Variants in ROCK2 observed in about 807,000 individuals in gnomAD.
ROCK2 encodes Rho associated coiled-coil containing protein kinase 2.
In ROCK2, 61 loss-of-function variants were observed where a neutral mutation model predicts 195.1. The ratio of observed to expected loss-of-function variants is 0.31; its 90% CI spans 0.25 to 0.39. ROCK2 has a LOEUF of 0.39. Ranked by LOEUF, ROCK2 falls within the 10% of genes least tolerant of loss-of-function variation. The pLI is 1.00. For missense variants in ROCK2, 1,109 were observed against 1,637.4 expected (o/e 0.68, Z 5.57); for synonymous variants, 504 against 545.5 (o/e 0.92, Z 1.06).
chr2:11,294,981 G>T (rs1667467295), intron 1 of ROCK2, among the ~76,000 whole-genome samples: 2 of 151,886 alleles, frequency 1.3e-5, no homozygotes, highest in Non-Finnish European at 2.9e-5. Flanking sequence ...TAGAGACGGG[G>T]TTTCATCATG....
At chr2:11,330,827 G>T (rs1186866551) in intron 1 of ROCK2, among the ~76,000 whole-genome samples, 1 of 8,708 alleles carries the variant, frequency 1.1e-4, no homozygotes, top group Non-Finnish European at 4.7e-4. Context: ...GGAGGAGGAG[G>T]GGGAGGAAGA....
chr2:11,334,662 T>G (rs1332651837), intron 1 of ROCK2, among the ~76,000 whole-genome samples: 1 of 151,156 alleles, frequency 6.6e-6, no homozygotes, highest in Non-Finnish European at 1.5e-5. Context: ...AGGCAATGCT[T>G]AGCATATTAA....
intron 3 of ROCK2, among the ~76,000 whole-genome samples, chr2:11,285,481 T>C (rs1667156587): frequency 6.6e-6 from 1 of 152,052 alleles, no homozygotes; most frequent in Non-Finnish European, 1.5e-5. Flanking sequence ...AATATTCTTC[T>C]TATGGATATG....
At chr2:11,189,233 T>C (rs72785475) in intron 32 of ROCK2, among the ~76,000 whole-genome samples, 6,489 of 152,272 alleles carry the variant, frequency 0.043, 275 homozygotes, top group Non-Finnish European at 0.06. Flanking sequence ...TAAAGCTAGA[T>C]TGACTAATGC....
At chr2:11,280,172 A>G (rs1666950430) in intron 3 of ROCK2, among the ~76,000 whole-genome samples, 1 of 152,130 alleles carries the variant, frequency 6.6e-6, no homozygotes. Flanking sequence ...ATAGAAAACA[A>G]GAATACACAA....
At chr2:11,224,599 C>A (rs77726940) in intron 6 of ROCK2, 139 bp from the exon 7 acceptor site, 1 of 713,884 alleles carries the variant, frequency 1.4e-6, no homozygotes, top group South Asian at 1.7e-5. Flanking sequence ...GAGTCCCAGT[C>A]AAAACAACAG....
chr2:11,274,654 T>C (rs1293120522), intron 3 of ROCK2, among the ~76,000 whole-genome samples: 1 of 152,204 alleles, frequency 6.6e-6, no homozygotes, highest in Non-Finnish European at 1.5e-5. Flanking sequence ...GCTCTTTACC[T>C]AATGGCTTCA....
Position 11,314,389 on chromosome 2 carries a change from A to C in ROCK2, c.142-26653T>G, listed in dbSNP as rs189620792. Among the ~76,000 whole-genome samples, 103 of 151,998 alleles carry C rather than the reference A, an allele frequency of 6.8e-4. 2 individuals carry two copies. In the South Asian group the frequency reaches 0.02, roughly 30 times the overall value. ...TAGTTACTATTATTCACTAAAACACAGTACTGTTAAAGGTATTTAAAATAG... is the reference window on the plus strand; with the variant it reads ...TAGTTACTATTATTCACTAAAACACCGTACTGTTAAAGGTATTTAAAATAG... On this transcript the variant is annotated intron_variant, in intron 1 of 32. Transcript: ENST00000315872.
chr2:11,223,319 G>C (rs1664699576), intron 7 of ROCK2, among the ~76,000 whole-genome samples: 1 of 152,144 alleles, frequency 6.6e-6, no homozygotes, highest in Non-Finnish European at 1.5e-5. Flanking sequence ...AGTTTGACGA[G>C]AAGAAAACAA....
chr2:11,277,328 CT>C (rs1346737070), intron 3 of ROCK2, among the ~76,000 whole-genome samples: 6 of 152,140 alleles, frequency 3.9e-5, no homozygotes, highest in South Asian at 2.1e-4. Context: ...AACCACCAAT[CT>C]TTTTTTCCCC....
rs1663856550 is a variant in ROCK2 at position 11,201,679 on chromosome 2, TAAG to T, written c.2620-269_2620-267del. ...TAATAGCACAGATAGGTAAAATGAA[TAAG>T]GAGGCAAGGAAAAACATTAACAATT... is the stretch of plus-strand genomic sequence containing the variant. On this transcript the variant is annotated intron_variant, in intron 21 of 32. Transcript: ENST00000315872. The surrounding 1 kb of genome is among the most constrained non-coding windows in gnomAD (Gnocchi z 4.6). Among the ~76,000 whole-genome samples the T allele has an allele frequency of 6.6e-6, 1 of 152,256 alleles. No individual in the cohort carries two copies. Among genetic ancestry groups the T allele is most frequent in the South Asian group, 2.1e-4 (1 of 4,828 alleles).
At chr2:11,248,211 T>C (rs1665687566) in intron 4 of ROCK2, among the ~76,000 whole-genome samples, 1 of 142,352 alleles carries the variant, frequency 7.0e-6, no homozygotes, top group Non-Finnish European at 1.5e-5. Context: ...AGTGGGTTTT[T>C]TTTGGGGGGG....
At position 11,344,596 on chromosome 2, in the gene ROCK2, G is replaced by T; in HGVS notation, c.-460C>A. 2.5e-6 allele frequency: 1 copy of T among 406,064 alleles called. No individual in the cohort carries two copies. The highest frequency in any genetic ancestry group is 3.3e-6 in the Non-Finnish European group (1 of 307,492). The allele number at this position is 406,064 out of a possible 1,614,324, so 25.2% of individuals were successfully genotyped here. A position where few individuals can be genotyped will look rare whatever the true frequency, so the allele number is the denominator to read the frequency against. On this transcript the variant is annotated 5_prime_UTR_variant, in exon 1 of 33. It adds an upstream start codon to the 5' untranslated region. Transcript: ENST00000315872. The surrounding 1 kb of genome is among the most constrained non-coding windows in gnomAD (Gnocchi z 5.4). ...CCGCCGGCCGCCTTGCAGTCCCTCA[G>T]CCAGCTCCCGGCGCACACACTCCCG...
At chr2:11,237,948 G>T (rs1349290607) in intron 4 of ROCK2, among the ~76,000 whole-genome samples, 1 of 152,068 alleles carries the variant, frequency 6.6e-6, no homozygotes, top group African/African-American at 2.4e-5. Flanking sequence ...GAATGGTGGC[G>T]CATGCCGTAA....
intron 3 of ROCK2, among the ~76,000 whole-genome samples, chr2:11,252,404 A>C (rs556862285): frequency 9.4e-4 from 139 of 148,414 alleles, no homozygotes; most frequent in African/African-American, 3.3e-3. Context: ...AAAAAAAAAA[A>C]GATCTAGAAC....
chr2:11,304,689 C>T (rs1667800572), intron 1 of ROCK2, among the ~76,000 whole-genome samples: 2 of 152,186 alleles, frequency 1.3e-5, no homozygotes, highest in Non-Finnish European at 2.9e-5. Context: ...ATCATCTGCT[C>T]GCATCCACCT....
At chr2:11,333,695 T>C (rs564806836) in intron 1 of ROCK2, among the ~76,000 whole-genome samples, 25 of 152,292 alleles carry the variant, frequency 1.6e-4, no homozygotes, top group African/African-American at 4.8e-4. Flanking sequence ...TTTAGTACTA[T>C]TGAAAAATAT....
intron 2 of ROCK2, among the ~76,000 whole-genome samples, chr2:11,287,291 T>C (rs1667229970): frequency 6.6e-6 from 1 of 152,210 alleles, no homozygotes; most frequent in Admixed American, 6.5e-5. Flanking sequence ...TTAACTAGTC[T>C]GAAATGTCCA....
chr2:11,249,110 A>G (rs1354007031), intron 4 of ROCK2, among the ~76,000 whole-genome samples: 2 of 152,058 alleles, frequency 1.3e-5, no homozygotes, highest in Non-Finnish European at 2.9e-5. Flanking sequence ...GTTAGCCACG[A>G]TGGTCTCAAT....
Sources: gnomAD v4.1 joint callset for allele counts (sites outside exome capture counted in the v4.1 genomes callset) on GRCh38, gnomAD v4.1.1 for gene constraint, Gnocchi (gnomAD v3.1) non-coding constraint, MANE v1.5 for transcripts, NCBI Gene and HGNC (gene_info 2026-07-23, HGNC 2026-07-21) for gene names.